Variants in SIL1 observed in about 807,000 individuals in gnomAD.
SIL1 encodes the protein nucleotide exchange factor SIL1.
In SIL1, 40 loss-of-function variants were observed where a neutral mutation model predicts 49.1. That is an observed-to-expected ratio of 0.81 (90% CI 0.63 to 1.06). The LOEUF is 1.06. Ranked by LOEUF, SIL1 falls within the 50% of genes least tolerant of loss-of-function variation. The probability of loss-of-function intolerance (pLI) is 0.00; values close to 1 mark genes in which losing one functional copy is unlikely to be tolerated. For missense variants in SIL1, 500 were observed against 572.6 expected (o/e 0.87, Z 1.29); for synonymous variants, 253 against 250.8 (o/e 1.01, Z -0.08).
intron 1 of SIL1, among the ~76,000 whole-genome samples, chr5:139,133,853 CAA>C (rs1400192622): frequency 6.6e-6 from 1 of 152,134 alleles, no homozygotes; most frequent in Non-Finnish European, 1.5e-5. Flanking sequence ...GAAACTGAAG[CAA>C]AGAGACAAAA....
At chr5:138,967,172 G>T (rs1053939768) in intron 7 of SIL1, among the ~76,000 whole-genome samples, 2 of 152,160 alleles carry the variant, frequency 1.3e-5, no homozygotes, top group African/African-American at 4.8e-5. Flanking sequence ...TCTGGCTCAA[G>T]GTAAAGGAGG....
intron 7 of SIL1, among the ~76,000 whole-genome samples, chr5:138,976,310 CTTT>C (rs542941622): frequency 4.5e-5 from 6 of 134,416 alleles, no homozygotes; most frequent in Admixed American, 7.5e-5. Flanking sequence ...TATTACCTCT[CTTT>C]TTTTTTTTTT....
At chr5:139,033,516 C>A (rs970560371) in intron 5 of SIL1, among the ~76,000 whole-genome samples, 1 of 151,658 alleles carries the variant, frequency 6.6e-6, no homozygotes, top group Admixed American at 6.6e-5. Flanking sequence ...TCCCTTCCAG[C>A]TTTAGTTGGA....
chr5:139,021,226 T>C lies in SIL1; in HGVS notation c.712A>G (p.Thr238Ala). 6.2e-7 allele frequency: 1 copy of C among 1,614,144 alleles called. No homozygotes were observed. The highest frequency in any genetic ancestry group is 1.3e-5 in the African/African-American group (1 of 75,036). Residue 238 changes from threonine to alanine, a missense_variant, in exon 7 of 10, where the codon ACA becomes GCA. Thr to Ala is a moderately conservative substitution (Grantham distance 58). Coordinates refer to ENST00000394817, the MANE Select transcript of SIL1 (RefSeq NM_022464.5). The stretch of plus-strand genomic sequence containing the variant: ...GCATACTCCTTCACGAGGGGCTCTG[T>C]GCTGTTCAGCCCATTGATCACCACT... ...LQVVINGLNS[T>A]EPLVKEYAAF...
intron 1 of SIL1, among the ~76,000 whole-genome samples, chr5:139,147,407 G>A (rs1478028822): frequency 2.0e-5 from 3 of 152,116 alleles, no homozygotes; most frequent in Non-Finnish European, 2.9e-5. Context: ...ACACCACACA[G>A]CTTAGATCCT....
At chr5:139,041,835 A>C (rs1235554606) in intron 5 of SIL1, among the ~76,000 whole-genome samples, 3 of 150,894 alleles carry the variant, frequency 2.0e-5, no homozygotes, top group African/African-American at 7.3e-5. Context: ...AAAAAAAAAC[A>C]AAAAAAAGCA....
At chr5:139,086,338 T>C (rs1317307503) in intron 3 of SIL1, among the ~76,000 whole-genome samples, 7 of 150,742 alleles carry the variant, frequency 4.6e-5, no homozygotes, top group African/African-American at 1.7e-4. Flanking sequence ...CATAAATGAG[T>C]TTCATTTTTT....
chr5:138,987,303 G>T (rs1214130362), intron 7 of SIL1, among the ~76,000 whole-genome samples: 2 of 151,312 alleles, frequency 1.3e-5, no homozygotes, highest in Non-Finnish European at 2.9e-5. Context: ...GGTACAGATG[G>T]GGTTTCACCA....
At chr5:139,052,281 T>A (rs1165826834) in intron 3 of SIL1, among the ~76,000 whole-genome samples, 1 of 152,238 alleles carries the variant, frequency 6.6e-6, no homozygotes, top group East Asian at 1.9e-4. Flanking sequence ...TTGCTGTTCC[T>A]GCCGTCCCAC....
intron 3 of SIL1, among the ~76,000 whole-genome samples, chr5:139,063,946 C>A (rs928450836): frequency 1.3e-5 from 2 of 152,186 alleles, no homozygotes; most frequent in East Asian, 1.9e-4. Context: ...TCTAAACATA[C>A]CCTTTGTTCT....
chr5:139,195,378 G>A (rs1318826643), intron 1 of SIL1, among the ~76,000 whole-genome samples: 1 of 151,610 alleles, frequency 6.6e-6, no homozygotes, highest in Non-Finnish European at 1.5e-5. Flanking sequence ...ATTATTCCCA[G>A]TTTTTTTTGT....
intron 1 of SIL1, among the ~76,000 whole-genome samples, chr5:139,141,570 T>A (rs1751081235): frequency 6.6e-6 from 1 of 152,046 alleles, no homozygotes; most frequent in Non-Finnish European, 1.5e-5. Context: ...GGTGGGAGGA[T>A]GGCTTGAGCC....
At chr5:139,141,561 G>A (rs996548958) in intron 1 of SIL1, among the ~76,000 whole-genome samples, 4 of 152,124 alleles carry the variant, frequency 2.6e-5, no homozygotes, top group Admixed American at 6.5e-5. Context: ...GGAGGCTGAG[G>A]TGGGAGGATG....
intron 5 of SIL1, among the ~76,000 whole-genome samples, chr5:139,040,652 T>C (rs1391399108): frequency 6.6e-6 from 1 of 151,644 alleles, no homozygotes. Flanking sequence ...ACACATACCA[T>C]CATGCCCGGC....
At chr5:138,975,018 C>T (rs1046300484) in intron 7 of SIL1, among the ~76,000 whole-genome samples, 13 of 152,202 alleles carry the variant, frequency 8.5e-5, no homozygotes, top group Non-Finnish European at 1.9e-4. Context: ...TCAAGAAGTT[C>T]TTTTGCCACA....
chr5:138,971,780 G>T (rs1362482021), intron 7 of SIL1, among the ~76,000 whole-genome samples: 1 of 152,136 alleles, frequency 6.6e-6, no homozygotes, highest in Non-Finnish European at 1.5e-5. Flanking sequence ...CACAAAAGCT[G>T]CCACTTTGCT....
At chr5:139,032,838 A>T (rs941896924) in intron 5 of SIL1, 4 of 152,200 alleles carry the variant, frequency 2.6e-5, no homozygotes, top group Non-Finnish European at 5.9e-5. Flanking sequence ...TCAAATTTAT[A>T]TGCATAGAGT....
Position 138,951,235 on chromosome 5 carries a change from TCC to T in SIL1, c.963_964del (p.Lys323GlyfsTer28). The T allele has an allele frequency of 6.2e-7, 1 of 1,604,932 alleles. No homozygotes were observed. Among genetic ancestry groups the T allele is most frequent in the Non-Finnish European group, 8.5e-7 (1 of 1,175,690 alleles). On this transcript the variant is annotated frameshift_variant, in exon 9 of 10. Coordinates refer to ENST00000394817, the MANE Select transcript of SIL1 (RefSeq NM_022464.5). LOFTEE classifies it high-confidence loss of function. ...CACGGCGAGCACCTCCGTGCCCTTC[TCC>T]TGCACCAGGGTCCTCAGGACCTGCA... is the stretch of plus-strand genomic sequence containing the variant.
intron 7 of SIL1, among the ~76,000 whole-genome samples, chr5:138,969,831 C>T (rs1580993055): frequency 1.3e-5 from 2 of 152,300 alleles, no homozygotes; most frequent in Admixed American, 1.3e-4. Flanking sequence ...CATCTAACAG[C>T]CTCACAAGGG....
Sources: gnomAD v4.1 joint callset for allele counts (sites outside exome capture counted in the v4.1 genomes callset) on GRCh38, gnomAD v4.1.1 for gene constraint, MANE v1.5 for transcripts, NCBI Gene and HGNC (gene_info 2026-07-23, HGNC 2026-07-21) for gene names.